Variants in RIN2 observed in about 807,000 individuals in gnomAD.
RIN2 encodes RAB5 interacting protein 2.
In RIN2, 36 loss-of-function variants were observed where a neutral mutation model predicts 78.0. The ratio of observed to expected loss-of-function variants is 0.46; its 90% CI spans 0.35 to 0.61. The LOEUF (loss-of-function observed/expected upper bound fraction) is 0.61. Ranked by LOEUF, RIN2 falls within the 20% of genes least tolerant of loss-of-function variation. The pLI, the probability that RIN2 is intolerant of heterozygous loss-of-function variation, is 0.00. For synonymous variants in RIN2, 466 were observed against 466.8 expected (o/e 1.00, Z 0.02); for missense variants, 1,087 against 1,159.7 (o/e 0.94, Z 0.91).
rs376891743 is a variant in RIN2, at chr20:19,773,252, AAATT to A, written c.-163+14927_-163+14930del. ...TGGGGCTCATCTGATGACCTCATCT[AAATT>A]AGTTAAATCTGCATAGACCCCATTT... On this transcript the variant is annotated intron_variant, in intron 1 of 12. Transcript: ENST00000255006. Among the ~76,000 whole-genome samples the A allele has an allele frequency of 6.0e-4, 92 of 152,324 alleles. No individual in the cohort carries two copies. In the East Asian group the frequency reaches 0.017, roughly 28 times the overall value.
chr20:19,995,273 A>AAC (rs1055565733), intron 11 of RIN2, among the ~76,000 whole-genome samples: 17 of 151,476 alleles, frequency 1.1e-4, no homozygotes, highest in African/African-American at 3.9e-4. Context: ...AAAAAAAAAA[A>AAC]AAAAACAAAA....
At chr20:19,782,979 A>C (rs1325451160) in intron 1 of RIN2, among the ~76,000 whole-genome samples, 1 of 152,182 alleles carries the variant, frequency 6.6e-6, no homozygotes, top group Non-Finnish European at 1.5e-5. Flanking sequence ...GTGTCTGAAG[A>C]CAAGCTTAAA....
intron 8 of RIN2, among the ~76,000 whole-genome samples, chr20:19,972,849 T>C (rs1430366507): frequency 6.6e-6 from 1 of 152,236 alleles, no homozygotes; most frequent in Non-Finnish European, 1.5e-5. Context: ...ATAAGGCTAA[T>C]CTGTGTGTAA....
chr20:19,860,506 A>G (rs2037301339), intron 2 of RIN2, among the ~76,000 whole-genome samples: 1 of 148,906 alleles, frequency 6.7e-6, no homozygotes, highest in South Asian at 2.1e-4. Context: ...TATTTTTAGT[A>G]GAGACGGGGT....
chr20:19,877,907 C>T (rs2037905630), intron 2 of RIN2, among the ~76,000 whole-genome samples: 1 of 152,126 alleles, frequency 6.6e-6, no homozygotes, highest in South Asian at 2.1e-4. Flanking sequence ...GTAGTCCCAG[C>T]TACTGGAGAG....
chr20:19,790,185 C>G (rs1166159815), intron 1 of RIN2, among the ~76,000 whole-genome samples: 7 of 151,996 alleles, frequency 4.6e-5, no homozygotes, highest in African/African-American at 1.7e-4. Context: ...CTTCAACTGC[C>G]TTTTGGATTT....
At chr20:19,995,939 C>T (rs1160137110) in intron 11 of RIN2, among the ~76,000 whole-genome samples, 1 of 152,166 alleles carries the variant, frequency 6.6e-6, no homozygotes, top group Non-Finnish European at 1.5e-5. Flanking sequence ...CTTGGATCAC[C>T]TCACACGCCT....
At chr20:19,865,029 C>G (rs1196319618) in intron 2 of RIN2, among the ~76,000 whole-genome samples, 1 of 152,060 alleles carries the variant, frequency 6.6e-6, no homozygotes, top group Non-Finnish European at 1.5e-5. Flanking sequence ...TTAGCTTATC[C>G]CTTTTACATC....
chr20:19,896,222 T>C (rs1458533188), intron 3 of RIN2, among the ~76,000 whole-genome samples: 1 of 152,176 alleles, frequency 6.6e-6, no homozygotes, highest in East Asian at 1.9e-4. Flanking sequence ...AAAGTCTTGC[T>C]CTGTTGCCTA....
chr20:19,977,506 G>C (rs2042317227), intron 9 of RIN2, among the ~76,000 whole-genome samples: 1 of 152,196 alleles, frequency 6.6e-6, no homozygotes, highest in African/African-American at 2.4e-5. Flanking sequence ...GCCTGTCCAA[G>C]CTATTCCAGT....
At chr20:19,914,336 CA>C (rs150360446) in intron 3 of RIN2, among the ~76,000 whole-genome samples, 1 of 152,260 alleles carries the variant, frequency 6.6e-6, no homozygotes, top group East Asian at 1.9e-4. Context: ...ATAATGTTGA[CA>C]ATGGTGTGAG....
At chr20:19,810,963 G>A (rs1307287897) in intron 2 of RIN2, among the ~76,000 whole-genome samples, 1 of 150,814 alleles carries the variant, frequency 6.6e-6, no homozygotes, top group Non-Finnish European at 1.5e-5. Flanking sequence ...CGCCCGCCTC[G>A]GCCTCCCAAA....
chr20:19,879,816 T>C (rs1430459546), intron 2 of RIN2, among the ~76,000 whole-genome samples: 4 of 152,154 alleles, frequency 2.6e-5, no homozygotes, highest in Non-Finnish European at 5.9e-5. Context: ...TTGTAGAGAA[T>C]AAAGTAGGTT....
In RIN2 at chr20:19,771,063, T is replaced by C. The variant is rs187097201; in HGVS notation, c.-163+12736T>C. ...TAAAGGATATTGCAAAGGATACAGA[T>C]GAAGAGAAGCACAGGGGGAGGCCAG... On this transcript the variant is annotated intron_variant, in intron 1 of 12. Coordinates refer to ENST00000255006, the MANE Select transcript of RIN2 (RefSeq NM_018993.4). Among the ~76,000 whole-genome samples, 11 of 152,322 alleles carry C rather than the reference T, an allele frequency of 7.2e-5. No homozygotes were observed. The East Asian group carries it at 2.1e-3, about 29-fold the overall frequency.
chr20:19,864,705 G>C (rs2037446536), intron 2 of RIN2, among the ~76,000 whole-genome samples: 1 of 152,096 alleles, frequency 6.6e-6, no homozygotes, highest in African/African-American at 2.4e-5. Context: ...ACAAGAGATT[G>C]GTGTATATGT....
chr20:19,920,295 C>CAA lies in RIN2; in HGVS notation c.58-14788_58-14787dup, dbSNP rs34086663. ...TGGGCGACAGAGCGAGACTCTGTCTCAAAAAAAAAAAAAAAAAGGAAAAAC... is the reference window on the plus strand; with the variant it reads ...TGGGCGACAGAGCGAGACTCTGTCTCAAAAAAAAAAAAAAAAAAAGGAAAAAC... On this transcript the variant is annotated intron_variant, in intron 3 of 12. Coordinates refer to ENST00000255006, the MANE Select transcript of RIN2 (RefSeq NM_018993.4). Among the ~76,000 whole-genome samples the CAA allele has an allele frequency of 1.5e-3, 140 of 95,270 alleles. 1 individual carries two copies. Among genetic ancestry groups the CAA allele is most frequent in the South Asian group, 5.5e-3 (18 of 3,274 alleles). The allele number at this position is 95,270 out of a possible 152,430, so 62.5% of individuals were successfully genotyped here.
chr20:19,771,672 G>A (rs1033770432), intron 1 of RIN2, among the ~76,000 whole-genome samples: 2 of 152,170 alleles, frequency 1.3e-5, no homozygotes, highest in Non-Finnish European at 2.9e-5. Context: ...ATATGCATAG[G>A]AGTGAAGGAG....
At chr20:19,797,168 T>C (rs2035084349) in intron 1 of RIN2, among the ~76,000 whole-genome samples, 1 of 152,102 alleles carries the variant, frequency 6.6e-6, no homozygotes, top group Non-Finnish European at 1.5e-5. Context: ...CCCCAGGTGG[T>C]CTCAGTTTAT....
At chr20:19,947,640 A>G (rs964025991) in intron 4 of RIN2, among the ~76,000 whole-genome samples, 14 of 152,248 alleles carry the variant, frequency 9.2e-5, no homozygotes, top group African/African-American at 3.4e-4. Context: ...CATGTAAACA[A>G]TGAGAAACTT....
Sources: gnomAD v4.1 joint callset for allele counts (sites outside exome capture counted in the v4.1 genomes callset) on GRCh38, gnomAD v4.1.1 for gene constraint, MANE v1.5 for transcripts, NCBI Gene and HGNC (gene_info 2026-07-23, HGNC 2026-07-21) for gene names.